TXN: variants seen among roughly 807,000 people sequenced by gnomAD.
The protein encoded by TXN is ADF.
TXN carries 10 observed loss-of-function variants against 16.5 expected under a neutral mutation model. The ratio of observed to expected loss-of-function variants is 0.61; its 90% CI spans 0.37 to 1.03. The LOEUF (loss-of-function observed/expected upper bound fraction) is 1.03. Among genes scored for constraint, TXN ranks in the 50% least tolerant of loss-of-function variants. The probability of loss-of-function intolerance (pLI) is 0.01; values close to 1 mark genes in which losing one functional copy is unlikely to be tolerated. For missense variants in TXN, 71 were observed against 122.5 expected, an observed-to-expected ratio of 0.58 and a Z score of 1.98; for synonymous variants, 35 against 39.4, an observed-to-expected ratio of 0.89 and a Z score of 0.42.
rs368214005 is a variant in TXN at position 110,256,191 on chromosome 9, T to C, written c.24+221A>G. ...CCGCCCTCCAGGGGACCCTCGTCCT[T>C]CTCCTCCCTTCCTCCAGGGCAGGCT... On this transcript the variant is annotated intron_variant, in intron 1 of 4. Coordinates refer to ENST00000374517, the MANE Select transcript of TXN (RefSeq NM_003329.4). This position sits in a 1 kb window ranked among gnomAD's most constrained non-coding sequence, Gnocchi z 4.2. Among the ~76,000 whole-genome samples the C allele has an allele frequency of 1.3e-5, 2 of 152,038 alleles. No homozygotes were observed. The highest frequency in any genetic ancestry group is 3.9e-4 in the East Asian group (2 of 5,094).
At chr9:110,251,302 A>T in intron 2 of TXN, 56 bp downstream of exon 2, 2 of 1,304,148 alleles carry the variant, frequency 1.5e-6, no homozygotes, top group Non-Finnish European at 2.2e-6. Flanking sequence ...TACCACTGTG[A>T]CCACCAACTC....
chr9:110,249,432 C>G (rs1837700168), intron 3 of TXN, among the ~76,000 whole-genome samples: 1 of 152,086 alleles, frequency 6.6e-6, no homozygotes, highest in Non-Finnish European at 1.5e-5. Flanking sequence ...AAGGGGCAAC[C>G]AACGTGAATT....
intron 3 of TXN, among the ~76,000 whole-genome samples, chr9:110,245,714 A>G (rs2118564387): frequency 7.2e-6 from 1 of 138,338 alleles, no homozygotes; most frequent in African/African-American, 2.8e-5. Context: ...GCTGGTCTCA[A>G]ACTCATGAGC....
At chr9:110,247,074 G>A (rs186154743) in intron 3 of TXN, among the ~76,000 whole-genome samples, 131 of 152,288 alleles carry the variant, frequency 8.6e-4, no homozygotes, top group African/African-American at 3.2e-3. Flanking sequence ...TCTAATCCCA[G>A]CACTTTGGGA....
At chr9:110,252,239 A>AAAAAAAAAAAAAAAAAAAAC (rs1837750357) in intron 1 of TXN, among the ~76,000 whole-genome samples, 1 of 150,506 alleles carries the variant, frequency 6.6e-6, no homozygotes, top group Non-Finnish European at 1.5e-5. Flanking sequence ...AAAAAAAAAA[A>AAAAAAAAAAAAAAAAAAAAC]AAAAAAGCTA....
At chr9:110,251,586 CAAAAAAAAAAAAAAAA>C in intron 1 of TXN, 124 bp from the exon 2 acceptor site, 3 of 54,208 alleles carry the variant, frequency 5.5e-5, no homozygotes, top group South Asian at 7.0e-4. Flanking sequence ...ACTTTTTAGC[CAAAAAAAAAAAAAAAA>C]AAAAAAAAAA....
Position 110,256,477 on chromosome 9 carries a change from G to A in TXN, c.-42C>T, listed in dbSNP as rs1321422347. On this transcript the variant is annotated 5_prime_UTR_variant, in exon 1 of 5. Coordinates refer to ENST00000374517, the MANE Select transcript of TXN (RefSeq NM_003329.4). This position sits in a 1 kb window ranked among gnomAD's most constrained non-coding sequence, Gnocchi z 4.2. ...TGACGAGCGGCTGTAAGGACCGATG[G>A]AAATGGATCCAAAGCACCAAACAGA... 3 of 1,593,194 alleles carry A rather than the reference G, an allele frequency of 1.9e-6. No homozygotes were observed. The highest frequency in any genetic ancestry group is 2.6e-6 in the Non-Finnish European group (3 of 1,168,992).
rs1308998610 is a variant in TXN at position 110,245,639 on chromosome 9, TATATATATA to T, written c.190-805_190-797del. 1.1e-3 allele frequency among the ~76,000 whole-genome samples: 35 copies of T among 30,636 alleles called. 3 individuals carry two copies. Among genetic ancestry groups the T allele is most frequent in the African/African-American group, 4.9e-3 (33 of 6,710 alleles). 20.1% of individuals were successfully genotyped at this position (30,636 alleles called of 152,430 possible). ...CACACTATATATATATATATATATA[TATATATATA>T]TATATATTTTTTTTTTTTTTTTTTT... On this transcript the variant is annotated intron_variant, in intron 3 of 4. Transcript: ENST00000374517.
chr9:110,248,941 C>T (rs111922270), intron 3 of TXN, among the ~76,000 whole-genome samples: 41 of 151,640 alleles, frequency 2.7e-4, no homozygotes, highest in African/African-American at 9.2e-4. Flanking sequence ...GGTGAAACCC[C>T]GTCTCTACTG....
chr9:110,251,589 A>C, intron 1 of TXN, 127 bp from the exon 2 acceptor site: 1 of 272,954 alleles, frequency 3.7e-6, no homozygotes, highest in Non-Finnish European at 6.6e-6. Flanking sequence ...TTTTAGCCAA[A>C]AAAAAAAAAA....
intron 3 of TXN, among the ~76,000 whole-genome samples, chr9:110,245,654 A>ATATATATATATTTTT (rs1232332404): frequency 9.2e-5 from 2 of 21,772 alleles, no homozygotes; most frequent in African/African-American, 2.0e-4. Context: ...ATATATATAT[A>ATATATATATATTTTT]TTTTTTTTTT....
intron 3 of TXN, among the ~76,000 whole-genome samples, chr9:110,250,117 T>G (rs553679700): frequency 6.6e-6 from 1 of 152,254 alleles, no homozygotes; most frequent in African/African-American, 2.4e-5. Context: ...GCCAGACCAC[T>G]TCATTTTAAA....
chr9:110,251,161 T>G (rs1282763003), intron 2 of TXN, among the ~76,000 whole-genome samples, 197 bp downstream of exon 2: 1 of 152,166 alleles, frequency 6.6e-6, no homozygotes, highest in East Asian at 1.9e-4. Context: ...AAAATTAACT[T>G]CTAAAATTTG....
intron 3 of TXN, among the ~76,000 whole-genome samples, chr9:110,246,799 G>A (rs911072829): frequency 1.3e-5 from 2 of 152,070 alleles, no homozygotes; most frequent in African/African-American, 2.4e-5. Context: ...AGTAATGGCT[G>A]GAATAAAAAT....
chr9:110,247,203 G>C (rs1045326874), intron 3 of TXN, among the ~76,000 whole-genome samples: 1 of 151,980 alleles, frequency 6.6e-6, no homozygotes, highest in African/African-American at 2.4e-5. Context: ...GCTGCCTGTA[G>C]TCCCAGCTAC....
At chr9:110,246,703 T>A (rs1450898641) in intron 3 of TXN, among the ~76,000 whole-genome samples, 1 of 152,166 alleles carries the variant, frequency 6.6e-6, no homozygotes, top group Non-Finnish European at 1.5e-5. Context: ...GTTGAGGAGT[T>A]CTTTCTAGGT....
At chr9:110,247,889 T>C (rs1393249846) in intron 3 of TXN, among the ~76,000 whole-genome samples, 1 of 152,206 alleles carries the variant, frequency 6.6e-6, no homozygotes, top group East Asian at 1.9e-4. Context: ...GAAAGGTCCA[T>C]GCATGTTACT....
chr9:110,245,686 T>C lies in TXN; in HGVS notation c.190-843A>G, dbSNP rs367982459. On this transcript the variant is annotated intron_variant, in intron 3 of 4. Transcript: ENST00000374517. ...TTTTTTTTTTTTTATAGGGACAAGGTCTCTCCATGTTGCCCAGGCTGGTCT... is the reference window on the plus strand; with the variant it reads ...TTTTTTTTTTTTTATAGGGACAAGGCCTCTCCATGTTGCCCAGGCTGGTCT... Among the ~76,000 whole-genome samples, 283 of 124,524 alleles carry C rather than the reference T, an allele frequency of 2.3e-3. 3 individuals carry two copies. The highest frequency in any genetic ancestry group is 8.5e-3 in the African/African-American group (269 of 31,530). The allele number at this position is 124,524 out of a possible 152,430, so 81.7% of individuals were successfully genotyped here.
intron 3 of TXN, among the ~76,000 whole-genome samples, chr9:110,245,297 A>G (rs1427844142): frequency 6.6e-6 from 1 of 152,120 alleles, no homozygotes; most frequent in Non-Finnish European, 1.5e-5. Context: ...TTATGAAGGC[A>G]GAGTACACAG....
Sources: gnomAD v4.1 joint callset for allele counts (sites outside exome capture counted in the v4.1 genomes callset) on GRCh38, gnomAD v4.1.1 for gene constraint, Gnocchi (gnomAD v3.1) non-coding constraint, MANE v1.5 for transcripts, NCBI Gene and HGNC (gene_info 2026-07-23, HGNC 2026-07-21) for gene names.